Variants in ESYT3 observed in about 807,000 individuals in gnomAD.
ESYT3 encodes extended synaptotagmin-3.
ESYT3 carries 101 observed loss-of-function variants against 111.5 expected under a neutral mutation model. That is an observed-to-expected ratio of 0.91 (90% CI 0.77 to 1.07). The LOEUF (loss-of-function observed/expected upper bound fraction) is 1.07. Ranked by LOEUF, ESYT3 falls within the 50% of genes least tolerant of loss-of-function variation. ESYT3 has a pLI of 0.00. For missense variants in ESYT3, 1,097 were observed against 1,109.4 expected, an observed-to-expected ratio of 0.99 and a Z score of 0.16; for synonymous variants, 416 against 446.8, an observed-to-expected ratio of 0.93 and a Z score of 0.87.
At chr3:138,445,173 G>T (rs528866327) in intron 1 of ESYT3, among the ~76,000 whole-genome samples, 2 of 152,368 alleles carry the variant, frequency 1.3e-5, no homozygotes, top group African/African-American at 4.8e-5. Context: ...TGCACTGCCA[G>T]GTGGTGTGGG....
chr3:138,458,439 C>T (rs931650846), intron 4 of ESYT3, among the ~76,000 whole-genome samples: 9 of 152,214 alleles, frequency 5.9e-5, no homozygotes, highest in Non-Finnish European at 1.3e-4. Context: ...GCCCAGGCAG[C>T]CCCCGGGGTC....
chr3:138,448,004 A>T (rs2031657335), intron 1 of ESYT3, among the ~76,000 whole-genome samples: 2 of 152,160 alleles, frequency 1.3e-5, no homozygotes, highest in South Asian at 4.2e-4. Context: ...GTGGTGGCTC[A>T]TGCCTGTAAT....
intron 1 of ESYT3, among the ~76,000 whole-genome samples, chr3:138,449,323 T>TA (rs1470803394): frequency 6.6e-6 from 1 of 152,042 alleles, no homozygotes; most frequent in Non-Finnish European, 1.5e-5. Flanking sequence ...TGGGCTCAAG[T>TA]GATCCACCTG....
chr3:138,469,483 C>T lies in ESYT3; in HGVS notation c.1482C>T (p.Gly494=), dbSNP rs748789637. 6.2e-6 allele frequency: 10 copies of T among 1,613,804 alleles called. No homozygotes were observed. The highest frequency in any genetic ancestry group is 7.6e-6 in the Non-Finnish European group (9 of 1,179,908). The change falls in exon 15 of 23, where the codon GGC becomes GGT. Residue 494 remains glycine (G), a synonymous_variant. Transcript: ENST00000389567. ...DPSSYVKLSV[G]KKTHTSKTCP... ...CTTCCTATGTCAAACTATCTGTAGG[C>T]AAGAAGACACATACAAGTAAGGTAA...
chr3:138,453,020 G>T (rs996465253), intron 2 of ESYT3, among the ~76,000 whole-genome samples: 1 of 152,158 alleles, frequency 6.6e-6, no homozygotes, highest in Non-Finnish European at 1.5e-5. Flanking sequence ...GGAGTTCAAG[G>T]CCAGCTTGAG....
At chr3:138,473,740 A>T in intron 19 of ESYT3, 106 bp downstream of exon 19, 1 of 962,810 alleles carries the variant, frequency 1.0e-6, no homozygotes, top group Non-Finnish European at 1.6e-6. Context: ...CCCAAGATAA[A>T]TAACACTTTG....
intron 1 of ESYT3, among the ~76,000 whole-genome samples, chr3:138,448,630 G>T (rs1207598288): frequency 6.6e-6 from 1 of 152,194 alleles, no homozygotes; most frequent in Non-Finnish European, 1.5e-5. Context: ...CTTTGAGAAT[G>T]TGGGGTGGGA....
chr3:138,476,519 T>A (rs1179654789), intron 22 of ESYT3, 27 bp downstream of exon 22: 1 of 1,609,152 alleles, frequency 6.2e-7, no homozygotes, highest in African/African-American at 1.3e-5. Context: ...ATTTTATCAC[T>A]GTTATCCTGC....
intron 16 of ESYT3, 26 bp downstream of exon 16, chr3:138,470,172 A>G: frequency 6.2e-7 from 1 of 1,607,196 alleles, no homozygotes; most frequent in South Asian, 1.1e-5. Context: ...GGCTCTTGAA[A>G]CAGAGTTAAG....
At chr3:138,449,996 G>A (rs1229163251) in intron 1 of ESYT3, among the ~76,000 whole-genome samples, 1 of 152,206 alleles carries the variant, frequency 6.6e-6, no homozygotes, top group Non-Finnish European at 1.5e-5. Context: ...ATCAAATGCT[G>A]CAATGGAGAA....
rs1236885045 is a variant in ESYT3 at position 138,478,014 on chromosome 3, C to G, written c.*1160C>G. ...TCCAGAGTAGTCCAAATACTATGCTCTGCTGACTCAAGTCATGTCTCAAAC... is the reference window on the plus strand; with the variant it reads ...TCCAGAGTAGTCCAAATACTATGCTGTGCTGACTCAAGTCATGTCTCAAAC... On this transcript the variant is annotated 3_prime_UTR_variant, in exon 23 of 23. Transcript: ENST00000389567. 6.6e-6 allele frequency: 1 copy of G among 152,222 alleles called. No individual in the cohort carries two copies. Among genetic ancestry groups the G allele is most frequent in the Non-Finnish European group, 1.5e-5 (1 of 68,036 alleles). 9.4% of individuals were successfully genotyped at this position (152,222 alleles called of 1,614,324 possible).
rs973745884 is a variant in ESYT3, at chr3:138,456,836, T to C, written c.505-732T>C. On this transcript the variant is annotated intron_variant, in intron 3 of 22. Coordinates refer to ENST00000389567, the MANE Select transcript of ESYT3 (RefSeq NM_031913.5). The stretch of plus-strand genomic sequence containing the variant: ...GATTGGGGACCGTTGGTCTATGGGA[T>C]GTAGCACTGCTGGCAAGCAATCCTA... 3.9e-5 allele frequency among the ~76,000 whole-genome samples: 6 copies of C among 152,176 alleles called. No homozygotes were observed. In the East Asian group the frequency reaches 1.2e-3, roughly 29 times the overall value.
chr3:138,479,630 C>G lies in ESYT3; in HGVS notation c.*2776C>G, dbSNP rs1436868425. ...ATTGGCATACAGAGCTGTTCTCAAT[C>G]AATCACCTAAGTACCCCCACAGTTT... On this transcript the variant is annotated 3_prime_UTR_variant, in exon 23 of 23. Transcript: ENST00000389567. 5 of 152,170 alleles carry G rather than the reference C, an allele frequency of 3.3e-5. No individual in the cohort carries two copies. Among genetic ancestry groups the G allele is most frequent in the African/African-American group, 9.7e-5 (4 of 41,436 alleles). 9.4% of individuals were successfully genotyped at this position (152,170 alleles called of 1,614,324 possible). A position where few individuals can be genotyped will look rare whatever the true frequency, so the allele number is the denominator to read the frequency against.
At chr3:138,458,462 G>A (rs144621000) in intron 4 of ESYT3, among the ~76,000 whole-genome samples, 228 of 152,338 alleles carry the variant, frequency 1.5e-3, no homozygotes, top group African/African-American at 5.1e-3. Context: ...CATCTTCCCC[G>A]TCTGGCTCAC....
chr3:138,472,958 G>T (rs2033307776), intron 18 of ESYT3, 99 bp downstream of exon 18: 13 of 1,517,842 alleles, frequency 8.6e-6, no homozygotes, highest in South Asian at 6.6e-5. Context: ...TGTGCAAGTT[G>T]TTTTTTCACA....
intron 1 of ESYT3, among the ~76,000 whole-genome samples, chr3:138,438,416 T>A (rs1262912137): frequency 6.6e-6 from 1 of 152,130 alleles, no homozygotes; most frequent in Non-Finnish European, 1.5e-5. Context: ...CTGCTGCTTG[T>A]CAAGCTGTAT....
At chr3:138,466,116 T>C (rs2108621590) in intron 10 of ESYT3, among the ~76,000 whole-genome samples, 1 of 152,088 alleles carries the variant, frequency 6.6e-6, no homozygotes, top group East Asian at 1.9e-4. Context: ...CATTATGAAG[T>C]GGGGGAGAGC....
chr3:138,452,139 C>T, intron 2 of ESYT3, 50 bp downstream of exon 2: 2 of 1,583,224 alleles, frequency 1.3e-6, no homozygotes, highest in African/African-American at 1.3e-5. Flanking sequence ...CCAGCCTCGT[C>T]CTCCCCGCGG....
chr3:138,467,737 A>G, intron 11 of ESYT3, 128 bp downstream of exon 11: 1 of 858,040 alleles, frequency 1.2e-6, no homozygotes, highest in South Asian at 1.7e-5. Flanking sequence ...CTCCATCCTC[A>G]GGGCAAGAGC....
Sources: allele counts gnomAD v4.1 joint callset (sites outside exome capture counted in the v4.1 genomes callset), GRCh38; gene constraint gnomAD v4.1.1; transcripts MANE v1.5; gene names NCBI Gene and HGNC (gene_info 2026-07-23, HGNC 2026-07-21).